The following NELL2 variants were observed in gnomAD, a reference collection of about 807,000 sequenced individuals.
NELL2 encodes the protein neural EGFL like 2.
In NELL2, 41 loss-of-function variants were observed where a neutral mutation model predicts 109.6. That is an observed-to-expected ratio of 0.37 (90% CI 0.29 to 0.49). The LOEUF (loss-of-function observed/expected upper bound fraction) is 0.49. Among genes scored for constraint, NELL2 ranks in the 20% least tolerant of loss-of-function variants. The pLI, the probability that NELL2 is intolerant of heterozygous loss-of-function variation, is 0.98. For synonymous variants in NELL2, 355 were observed against 344.7 expected (o/e 1.03, Z -0.33); for missense variants, 900 against 1,008.3 (o/e 0.89, Z 1.45).
chr12:44,708,760 A>G (rs1024232738), intron 11 of NELL2, among the ~76,000 whole-genome samples: 23 of 152,188 alleles, frequency 1.5e-4, no homozygotes, highest in African/African-American at 5.3e-4. Flanking sequence ...GCTGTGAAAA[A>G]TAATTTATCA....
At chr12:44,793,590 C>T (rs1040724277) in intron 3 of NELL2, among the ~76,000 whole-genome samples, 1 of 152,096 alleles carries the variant, frequency 6.6e-6, no homozygotes, top group African/African-American at 2.4e-5. Context: ...CAACACCCTA[C>T]AAACAATAAC....
chr12:44,774,820 G>T lies in NELL2; in HGVS notation c.921C>A (p.Ile307=). 1 of 1,614,050 alleles carries T rather than the reference G, an allele frequency of 6.2e-7. No individual in the cohort carries two copies. The change falls in exon 9 of 20, where the codon ATC becomes ATA. Residue 307 remains isoleucine, a synonymous_variant. Transcript: ENST00000429094. ...LNGTIQCETL[I]CPNPDCPLKS... ...TAAGTGGGCAGTCAGGATTTGGGCA[G>T]ATTAGAGTTTCACACTGGATGGTTC...
intron 15 of NELL2, among the ~76,000 whole-genome samples, chr12:44,568,529 T>C (rs1424141206): frequency 6.6e-6 from 1 of 152,092 alleles, no homozygotes; most frequent in East Asian, 1.9e-4. Context: ...ATCATCACTA[T>C]AATGTTTAAA....
upstream of NELL2, among the ~76,000 whole-genome samples, chr12:44,878,201 C>A (rs935526470): frequency 4.6e-5 from 7 of 152,126 alleles, no homozygotes; most frequent in Admixed American, 1.3e-4. Flanking sequence ...GGTTAATGGG[C>A]TTATCTCCAG....
chr12:44,620,776 G>GCA, intron 13 of NELL2, among the ~76,000 whole-genome samples: 1 of 151,976 alleles, frequency 6.6e-6, no homozygotes, highest in Non-Finnish European at 1.5e-5. Flanking sequence ...TATCCCCATT[G>GCA]CTCTGCAGGT....
At chr12:44,864,020 C>T (rs1944917161) in intron 2 of NELL2, among the ~76,000 whole-genome samples, 1 of 151,816 alleles carries the variant, frequency 6.6e-6, no homozygotes, top group Non-Finnish European at 1.5e-5. Flanking sequence ...AAATGTTTTA[C>T]GTAAGCCTTG....
intron 13 of NELL2, 103 bp downstream of exon 13, chr12:44,665,381 T>C (rs1235963885): frequency 1.1e-5 from 10 of 950,388 alleles, no homozygotes; most frequent in Non-Finnish European, 1.5e-5. Context: ...TAATGTTTTG[T>C]TGTATTTATG....
chr12:44,615,354 T>G (rs1945781943), intron 13 of NELL2, among the ~76,000 whole-genome samples: 1 of 152,160 alleles, frequency 6.6e-6, no homozygotes, highest in African/African-American at 2.4e-5. Context: ...CTGAATAATT[T>G]ATAATAATCA....
chr12:44,710,637 C>T (rs186691431), intron 11 of NELL2, among the ~76,000 whole-genome samples: 3 of 152,262 alleles, frequency 2.0e-5, no homozygotes, highest in Admixed American at 1.3e-4. Context: ...TGGAAATTCA[C>T]TGCCTTCTGG....
intron 1 of NELL2, among the ~76,000 whole-genome samples, chr12:44,900,408 C>G (rs1263185366): frequency 6.6e-6 from 1 of 152,108 alleles, no homozygotes; most frequent in Non-Finnish European, 1.5e-5. Context: ...TCATAACAAA[C>G]AGTCTCTTAG....
chr12:44,687,054 G>A (rs1013262986), intron 12 of NELL2, among the ~76,000 whole-genome samples: 13 of 152,278 alleles, frequency 8.5e-5, no homozygotes, highest in Admixed American at 2.6e-4. Flanking sequence ...AGCAATCAGC[G>A]AGACTCCACG....
chr12:44,635,697 T>A (rs1415174379), intron 13 of NELL2, among the ~76,000 whole-genome samples: 1 of 152,214 alleles, frequency 6.6e-6, no homozygotes, highest in Non-Finnish European at 1.5e-5. Flanking sequence ...ACTTGTAGCA[T>A]AGTTTGAAGT....
chr12:44,826,217 G>A (rs1943706409), intron 2 of NELL2, among the ~76,000 whole-genome samples: 1 of 152,128 alleles, frequency 6.6e-6, no homozygotes, highest in Admixed American at 6.6e-5. Context: ...GCCCACTGCA[G>A]TGTGTAGAAA....
intron 13 of NELL2, among the ~76,000 whole-genome samples, chr12:44,628,990 T>C (rs961343841): frequency 1.3e-5 from 2 of 152,218 alleles, no homozygotes; most frequent in Admixed American, 1.3e-4. Flanking sequence ...CAGTGTAGAA[T>C]AACTGTATAA....
intron 1 of NELL2, among the ~76,000 whole-genome samples, chr12:44,888,847 A>AAAAT (rs947107194): frequency 6.6e-6 from 1 of 151,540 alleles, no homozygotes; most frequent in African/African-American, 2.4e-5. Context: ...AAATAAAAAA[A>AAAAT]AAATAAATAA....
intron 12 of NELL2, among the ~76,000 whole-genome samples, chr12:44,670,237 T>C (rs1948090844): frequency 6.6e-6 from 1 of 152,150 alleles, no homozygotes; most frequent in South Asian, 2.1e-4. Flanking sequence ...ACAAAAAATG[T>C]TTAAGGTAAT....
At chr12:44,628,160 C>T (rs1796467041) in intron 13 of NELL2, among the ~76,000 whole-genome samples, 2 of 152,124 alleles carry the variant, frequency 1.3e-5, no homozygotes. Flanking sequence ...ACACACAGAT[C>T]CTCATTCCAT....
intron 1 of NELL2, among the ~76,000 whole-genome samples, chr12:44,893,572 G>A (rs1390458468): frequency 1.3e-5 from 2 of 152,126 alleles, no homozygotes; most frequent in South Asian, 4.1e-4. Context: ...AGAGGGTAGA[G>A]GGAGAGTTAG....
At chr12:44,744,221 A>G (rs890126399) in intron 9 of NELL2, among the ~76,000 whole-genome samples, 33 of 152,256 alleles carry the variant, frequency 2.2e-4, no homozygotes, top group African/African-American at 8.0e-4. Flanking sequence ...AATGAAATGA[A>G]GGCAGAAATA....
Sources: gnomAD v4.1 joint callset for allele counts (sites outside exome capture counted in the v4.1 genomes callset) on GRCh38, gnomAD v4.1.1 for gene constraint, MANE v1.5 for transcripts, NCBI Gene and HGNC (gene_info 2026-07-23, HGNC 2026-07-21) for gene names.